Variants in ZBED6 observed in about 807,000 individuals in gnomAD.
The protein encoded by ZBED6 is zinc finger BED-type containing 6.
A neutral mutation model predicts 58.4 loss-of-function variants in ZBED6; 40 were observed. The observed-to-expected ratio is 0.68, with a 90% CI of 0.53 to 0.89. ZBED6 has a LOEUF of 0.89. Among genes scored for constraint, ZBED6 ranks in the 40% least tolerant of loss-of-function variants. The pLI is 0.00. For missense variants in ZBED6, 1,057 were observed against 1,003.9 expected (o/e 1.05, Z -0.71); for synonymous variants, 439 against 350.6 (o/e 1.25, Z -2.82).
chr1:203,825,979 G>A (rs995710439), intron 3 of ZBED6, among the ~76,000 whole-genome samples: 1 of 152,140 alleles, frequency 6.6e-6, no homozygotes, highest in African/African-American at 2.4e-5. Context: ...TGTGACTTCT[G>A]TGTATAGAAG....
At chr1:203,799,281 T>C (rs1383579483) in exon 1 of ZBED6, 1 of 727,834 alleles carries the variant, frequency 1.4e-6, no homozygotes, top group Non-Finnish European at 2.5e-6. Flanking sequence ...CTTCCTGCAT[T>C]GTTTAAATAT....
chr1:203,848,931 C>T (rs1688621678), intron 13 of ZBED6, among the ~76,000 whole-genome samples: 1 of 152,166 alleles, frequency 6.6e-6, no homozygotes, highest in Admixed American at 6.5e-5. Context: ...GTTGCCCAGG[C>T]TGGAGTGCAG....
At chr1:203,853,762 C>T (rs185117021) in exon 17 of ZBED6, 3 of 152,748 alleles carry the variant, frequency 2.0e-5, no homozygotes, top group East Asian at 1.9e-4. Context: ...CCCATTCAGT[C>T]TTGGGAAGAT....
chr1:203,821,312 CT>C (rs935359377), intron 3 of ZBED6, among the ~76,000 whole-genome samples: 54 of 149,254 alleles, frequency 3.6e-4, no homozygotes, highest in South Asian at 2.4e-3. Context: ...TTAGTTAAAC[CT>C]TTTTTTTTTA....
At chr1:203,829,496 C>T in exon 5 of ZBED6, 1 of 1,613,974 alleles carries the variant, frequency 6.2e-7, no homozygotes, top group Middle Eastern at 1.7e-4. Flanking sequence ...GAAGTGAAGG[C>T]TAGCCAACTT....
At chr1:203,810,665 C>T (rs1158902209) in intron 1 of ZBED6, among the ~76,000 whole-genome samples, 4 of 152,044 alleles carry the variant, frequency 2.6e-5, no homozygotes, top group Non-Finnish European at 4.4e-5. Flanking sequence ...GTGATCCACC[C>T]GCCTCGGACT....
intron 3 of ZBED6, among the ~76,000 whole-genome samples, chr1:203,819,085 T>TACACACAC (rs1329539748): frequency 7.6e-5 from 5 of 65,972 alleles, no homozygotes; most frequent in African/African-American, 2.2e-4. Flanking sequence ...AAAATATATA[T>TACACACAC]ATATACACAC....
intron 1 of ZBED6, among the ~76,000 whole-genome samples, chr1:203,808,554 G>A (rs374741564): frequency 6.6e-6 from 1 of 151,926 alleles, no homozygotes; most frequent in Admixed American, 6.6e-5. Flanking sequence ...TCCTTTTTAG[G>A]ATTTCTATTT....
rs115573392 is a variant in ZBED6 at position 203,797,105 on chromosome 1, T to C, written c.-418T>C. 3.5e-3 allele frequency: 542 copies of C among 154,674 alleles called. 3 individuals carry two copies. The highest frequency in any genetic ancestry group is 6.7e-3 in the Middle Eastern group (2 of 298). The allele number at this position is 154,674 out of a possible 1,614,324, so 9.6% of individuals were successfully genotyped here. A position where few individuals can be genotyped will look rare whatever the true frequency, so the allele number is the denominator to read the frequency against. On this transcript the variant is annotated 5_prime_UTR_variant, in exon 1 of 17. The change abolishes an upstream ATG in the 5' untranslated region. Transcript: ENST00000550078. ...GCTATCATGAGGCATCATAAAAATA[T>C]GTATTTTACAAGGTGAAGGCATTTC...
At chr1:203,807,698 T>G (rs1479572752) in intron 1 of ZBED6, among the ~76,000 whole-genome samples, 2 of 152,044 alleles carry the variant, frequency 1.3e-5, no homozygotes, top group East Asian at 1.9e-4. Context: ...GCTAAATTTT[T>G]TTTTCTTTTG....
At chr1:203,835,184 C>T (rs1327271093) in intron 9 of ZBED6, among the ~76,000 whole-genome samples, 8 of 152,134 alleles carry the variant, frequency 5.3e-5, no homozygotes, top group Non-Finnish European at 1.0e-4. Flanking sequence ...AAACTTTCAG[C>T]GATGAGATAA....
chr1:203,817,169 A>G, intron 2 of ZBED6, 45 bp downstream of exon 2: 1 of 1,501,554 alleles, frequency 6.7e-7, no homozygotes, highest in South Asian at 1.3e-5. Context: ...CAATTTGCTT[A>G]ATAGAATTGG....
At chr1:203,829,197 A>G (rs536909897) in intron 4 of ZBED6, 5 of 536,680 alleles carry the variant, frequency 9.3e-6, no homozygotes, top group East Asian at 6.5e-5. Context: ...AACAGGTACT[A>G]TGCTTCTTCT....
At chr1:203,833,923 C>T (rs1302791722) in intron 9 of ZBED6, 70 bp downstream of exon 9, 1 of 1,542,188 alleles carries the variant, frequency 6.5e-7, no homozygotes, top group Non-Finnish European at 8.8e-7. Context: ...CTTCTCCAAA[C>T]TCTTTTTATA....
chr1:203,853,976 T>G (rs1410268652), exon 17 of ZBED6: 2 of 152,686 alleles, frequency 1.3e-5, no homozygotes, highest in African/African-American at 4.8e-5. Context: ...ATATTCTTTA[T>G]TCTTTTGCTT....
intron 3 of ZBED6, among the ~76,000 whole-genome samples, chr1:203,823,190 T>C (rs1006204100): frequency 6.6e-6 from 1 of 152,202 alleles, no homozygotes; most frequent in African/African-American, 2.4e-5. Context: ...CTCTAGGATG[T>C]ATTCAGAGTT....
chr1:203,823,828 A>C (rs1679584109), intron 3 of ZBED6, among the ~76,000 whole-genome samples: 1 of 152,236 alleles, frequency 6.6e-6, no homozygotes, highest in Non-Finnish European at 1.5e-5. Context: ...TCCTTCATTT[A>C]AAATAAGGTT....
intron 13 of ZBED6, 61 bp downstream of exon 13, chr1:203,848,468 T>C (rs142717570): frequency 7.8e-7 from 1 of 1,283,040 alleles, no homozygotes; most frequent in Non-Finnish European, 1.1e-6. Context: ...TAATTGGTAG[T>C]TTTACCTTAC....
intron 3 of ZBED6, among the ~76,000 whole-genome samples, chr1:203,819,896 C>G (rs919780590): frequency 1.1e-4 from 16 of 151,676 alleles, no homozygotes; most frequent in African/African-American, 3.9e-4. Flanking sequence ...ATCCTTTGAT[C>G]TCACTCAAAT....
Sources: allele counts gnomAD v4.1 joint callset (sites outside exome capture counted in the v4.1 genomes callset), GRCh38; gene constraint gnomAD v4.1.1; transcripts MANE v1.5; gene names NCBI Gene and HGNC (gene_info 2026-07-23, HGNC 2026-07-21).